The following CACNA1C variants were observed in gnomAD, a reference collection of about 807,000 sequenced individuals.
CACNA1C encodes the protein calcium voltage-gated channel subunit alpha1 C.
A neutral mutation model predicts 229.0 loss-of-function variants in CACNA1C; 30 were observed. The observed-to-expected ratio is 0.13, with a 90% CI of 0.10 to 0.18. The LOEUF is 0.18. CACNA1C is among the 10% of genes least tolerant of loss of function. The pLI is 1.00. For synonymous variants in CACNA1C, 1,114 were observed against 1,132.5 expected (o/e 0.98, Z 0.33); for missense variants, 1,658 against 2,845.0 (o/e 0.58, Z 9.49).
intron 15 of CACNA1C, 125 bp downstream of exon 15, chr12:2,583,067 C>A: frequency 1.5e-6 from 1 of 655,984 alleles, no homozygotes; most frequent in Non-Finnish European, 2.6e-6. Flanking sequence ...AGCCTAGAAC[C>A]CCATGGCGGC....
At chr12:2,082,915 ATAAT>A (rs1211497582) in intron 1 of CACNA1C, among the ~76,000 whole-genome samples, 2 of 152,234 alleles carry the variant, frequency 1.3e-5, no homozygotes, top group Non-Finnish European at 2.9e-5. Flanking sequence ...CACACACTGA[ATAAT>A]TAACTCGTTA....
chr12:2,191,648 GCACA>G (rs371651697), intron 3 of CACNA1C, among the ~76,000 whole-genome samples: 2,964 of 148,076 alleles, frequency 0.02, 98 homozygotes, highest in African/African-American at 0.069. Context: ...ATGTAAACAG[GCACA>G]CACACGCACA....
At chr12:2,426,039 G>A (rs894368556) in intron 3 of CACNA1C, among the ~76,000 whole-genome samples, 1 of 152,118 alleles carries the variant, frequency 6.6e-6, no homozygotes, top group African/African-American at 2.4e-5. Flanking sequence ...TGAGAAATTA[G>A]CCCAGTCCTC....
chr12:2,002,404 G>C (rs1457045075), intron 1 of CACNA1C, among the ~76,000 whole-genome samples: 1 of 152,166 alleles, frequency 6.6e-6, no homozygotes, highest in Non-Finnish European at 1.5e-5. Context: ...TTGAAGATTA[G>C]AACTTTGAAA....
intron 3 of CACNA1C, among the ~76,000 whole-genome samples, chr12:2,248,058 C>G (rs1251222131): frequency 1.3e-5 from 2 of 152,150 alleles, no homozygotes; most frequent in African/African-American, 2.4e-5. Context: ...AAATTAAGTT[C>G]TATGTATATA....
intron 10 of CACNA1C, among the ~76,000 whole-genome samples, chr12:2,555,492 G>T (rs77287851): frequency 0.028 from 4,327 of 152,294 alleles, 180 homozygotes; most frequent in East Asian, 0.13. Flanking sequence ...GAAGGTCTGG[G>T]GCTCAGCATG....
At chr12:2,593,888 C>A (rs1303423976) in intron 19 of CACNA1C, among the ~76,000 whole-genome samples, 1 of 152,164 alleles carries the variant, frequency 6.6e-6, no homozygotes, top group Non-Finnish European at 1.5e-5. Flanking sequence ...TCCTAAAGTA[C>A]ATTCTTTAGA....
intron 3 of CACNA1C, among the ~76,000 whole-genome samples, chr12:2,337,010 A>G (rs559664289): frequency 6.6e-6 from 1 of 152,186 alleles, no homozygotes; most frequent in African/African-American, 2.4e-5. Flanking sequence ...TCCATTCACC[A>G]TCCATCCATC....
In CACNA1C at chr12:2,238,093, C is replaced by T. The variant is rs76561982; in HGVS notation, c.477+117663C>T. Among the ~76,000 whole-genome samples, 87 of 152,330 alleles carry T rather than the reference C, an allele frequency of 5.7e-4. No individual in the cohort carries two copies. In the East Asian group the frequency reaches 0.015, roughly 26 times the overall value. On this transcript the variant is annotated intron_variant, in intron 3 of 46. Transcript: ENST00000399655. ...GGCAGAGACTCTTTGTTCTAGCCTT[C>T]GTCGTCAAAACAGACAGAATCAGGT...
intron 5 of CACNA1C, among the ~76,000 whole-genome samples, chr12:2,463,947 A>G (rs1409203838): frequency 6.6e-6 from 1 of 152,208 alleles, no homozygotes; most frequent in Non-Finnish European, 1.5e-5. Context: ...CAGCCAGATG[A>G]ACCATAGGGA....
Position 2,679,033 on chromosome 12 carries a change from G to A in CACNA1C, c.5092-411G>A, listed in dbSNP as rs749677445. ...TAAATCTGGTTAGAATCTTCTGGTC[G>A]CTCTCCCAGCCCCCGCCCTCACGGT... On this transcript the variant is annotated intron_variant, in intron 41 of 46. Transcript: ENST00000399655. The surrounding 1 kb of genome is among the most constrained non-coding windows in gnomAD (Gnocchi z 5.5). 3.9e-5 allele frequency among the ~76,000 whole-genome samples: 6 copies of A among 152,098 alleles called. No homozygotes were observed. The highest frequency in any genetic ancestry group is 7.2e-5 in the African/African-American group (3 of 41,414).
At position 2,677,245 on chromosome 12, in the gene CACNA1C, C is replaced by T; in HGVS notation, c.4956+24C>T. ...AGGTGAGGGCCTGGGGGCGGGCCCA[C>T]ACTCCAGGAAGGTCCTGGTCATTGC... On this transcript the variant is annotated intron_variant, in intron 40 of 46. Coordinates refer to ENST00000399655, the MANE Select transcript of CACNA1C (RefSeq NM_000719.7). The surrounding 1 kb of genome is among the most constrained non-coding windows in gnomAD (Gnocchi z 7.4). The T allele has an allele frequency of 6.2e-7, 1 of 1,611,634 alleles. No individual in the cohort carries two copies. The highest frequency in any genetic ancestry group is 8.5e-7 in the Non-Finnish European group (1 of 1,178,940).
chr12:2,497,484 A>C (rs1285307578), intron 7 of CACNA1C, among the ~76,000 whole-genome samples: 3 of 152,128 alleles, frequency 2.0e-5, no homozygotes, highest in Admixed American at 2.0e-4. Context: ...CTCTTTAGGA[A>C]TCTCAATGCC....
chr12:2,370,091 C>T (rs1279575477), intron 3 of CACNA1C, among the ~76,000 whole-genome samples: 1 of 152,170 alleles, frequency 6.6e-6, no homozygotes, highest in African/African-American at 2.4e-5. Context: ...AAAATATAAA[C>T]TACAAACTGG....
intron 3 of CACNA1C, among the ~76,000 whole-genome samples, chr12:2,349,800 C>T (rs1274953623): frequency 2.6e-5 from 4 of 152,164 alleles, no homozygotes; most frequent in South Asian, 2.1e-4. Context: ...TGCACAGTGT[C>T]TGGCACACAG....
At chr12:2,149,260 T>C (rs758440994) in intron 3 of CACNA1C, among the ~76,000 whole-genome samples, 11 of 152,220 alleles carry the variant, frequency 7.2e-5, no homozygotes, top group Non-Finnish European at 1.5e-4. Context: ...TGAGTGCACA[T>C]GTTCAGACTC....
Position 2,108,380 on chromosome 12 carries a change from G to T in CACNA1C, c.50-6844G>T, listed in dbSNP as rs1180669838. Among the ~76,000 whole-genome samples, 2 of 152,184 alleles carry T rather than the reference G, an allele frequency of 1.3e-5. No homozygotes were observed. The highest frequency in any genetic ancestry group is 6.5e-5 in the Admixed American group (1 of 15,288). On this transcript the variant is annotated intron_variant, in intron 1 of 46. Transcript: ENST00000399655. This position sits in a 1 kb window ranked among gnomAD's most constrained non-coding sequence, Gnocchi z 5.3. ...GGGACCTGGAAGCCACTGTGCCAAG[G>T]GCTGGCTCTGGGATCACACCGCCTT... is the stretch of plus-strand genomic sequence containing the variant.
intron 42 of CACNA1C, chr12:2,680,404 C>A: frequency 6.4e-7 from 1 of 1,560,616 alleles, no homozygotes; most frequent in African/African-American, 1.4e-5. Context: ...ACCTTCCCTC[C>A]CGCCCTGGGC....
rs551524560 is a variant in CACNA1C, at chr12:2,215,648, A to G, written c.477+95218A>G. 2.1e-3 allele frequency among the ~76,000 whole-genome samples: 318 copies of G among 152,336 alleles called. No homozygotes were observed. The highest frequency in any genetic ancestry group is 7.1e-3 in the African/African-American group (296 of 41,576). ...GAGGATCAGGATGTCCCAGCCCTTC[A>G]GGGACAGGCTCCAGGGTAGGCCTGG... On this transcript the variant is annotated intron_variant, in intron 3 of 46. Coordinates refer to ENST00000399655, the MANE Select transcript of CACNA1C (RefSeq NM_000719.7). The surrounding 1 kb of genome is among the most constrained non-coding windows in gnomAD (Gnocchi z 5.0).
Sources: allele counts gnomAD v4.1 joint callset (sites outside exome capture counted in the v4.1 genomes callset), GRCh38; gene constraint gnomAD v4.1.1; non-coding constraint Gnocchi (gnomAD v3.1); transcripts MANE v1.5; gene names NCBI Gene and HGNC (gene_info 2026-07-23, HGNC 2026-07-21).